The following LRRC7 variants were observed in gnomAD, a reference collection of about 807,000 sequenced individuals.
The protein encoded by LRRC7 is leucine-rich repeat-containing protein 7.
In LRRC7, 23 loss-of-function variants were observed where a neutral mutation model predicts 175.7. That is an observed-to-expected ratio of 0.13 (90% CI 0.09 to 0.19). The LOEUF (loss-of-function observed/expected upper bound fraction) is 0.19, where lower values mean the gene tolerates loss of function less well. Among genes scored for constraint, LRRC7 ranks in the 10% least tolerant of loss-of-function variants. The pLI, the probability that LRRC7 is intolerant of heterozygous loss-of-function variation, is 1.00. For synonymous variants in LRRC7, 685 were observed against 680.9 expected, an observed-to-expected ratio of 1.01 and a Z score of -0.09; for missense variants, 1,354 against 1,904.7, an observed-to-expected ratio of 0.71 and a Z score of 5.38.
Position 70,107,666 on chromosome 1 carries a change from A to G in LRRC7, c.4546-86A>G, listed in dbSNP as rs748714537. On this transcript the variant is annotated intron_variant, in intron 25 of 26. Coordinates refer to ENST00000651989, the MANE Select transcript of LRRC7 (RefSeq NM_001370785.2). ...ATAAACTGTTTCTGGATCTGTTTTC[A>G]CTGTTTTCTATGTGAATGAAGATTT... 4.2e-6 allele frequency: 4 copies of G among 955,230 alleles called. No individual in the cohort carries two copies. In the East Asian group the frequency reaches 7.3e-5, roughly 17 times the overall value. The allele number at this position is 955,230 out of a possible 1,614,324, so 59.2% of individuals were successfully genotyped here. A position where few individuals can be genotyped will look rare whatever the true frequency, so the allele number is the denominator to read the frequency against.
chr1:69,642,459 G>C (rs955568272), intron 1 of LRRC7, among the ~76,000 whole-genome samples: 1 of 151,964 alleles, frequency 6.6e-6, no homozygotes. Flanking sequence ...TCAAGCAAAA[G>C]TAAGGAGATC....
chr1:70,076,874 T>G (rs1441645884), intron 24 of LRRC7, among the ~76,000 whole-genome samples: 1 of 152,230 alleles, frequency 6.6e-6, no homozygotes, highest in African/African-American at 2.4e-5. Flanking sequence ...TTCAAACCTA[T>G]CTAAAATTAG....
chr1:69,600,304 A>G (rs1360249511), intron 1 of LRRC7, among the ~76,000 whole-genome samples: 1 of 152,162 alleles, frequency 6.6e-6, no homozygotes, highest in Non-Finnish European at 1.5e-5. Context: ...TATGTCCCAG[A>G]GAATCATCCA....
At chr1:69,845,993 C>T (rs1012025438) in intron 7 of LRRC7, among the ~76,000 whole-genome samples, 2 of 152,052 alleles carry the variant, frequency 1.3e-5, no homozygotes, top group Non-Finnish European at 2.9e-5. Context: ...AGCTAACTAA[C>T]CAAGGGAAAC....
At chr1:70,016,140 C>A (rs1205327928) in intron 13 of LRRC7, among the ~76,000 whole-genome samples, 5 of 152,204 alleles carry the variant, frequency 3.3e-5, no homozygotes, top group East Asian at 3.9e-4. Context: ...GAAAAAAGAG[C>A]AGGCCGATAG....
chr1:69,753,901 T>C (rs1240693255), intron 2 of LRRC7, among the ~76,000 whole-genome samples: 1 of 152,080 alleles, frequency 6.6e-6, no homozygotes, highest in Non-Finnish European at 1.5e-5. Context: ...ATTCTCCCTT[T>C]TTAATTTAAA....
At chr1:69,658,189 C>A (rs1258993986) in intron 1 of LRRC7, among the ~76,000 whole-genome samples, 5 of 151,864 alleles carry the variant, frequency 3.3e-5, no homozygotes. Flanking sequence ...TCATTTCTGG[C>A]AGCTTAGAGA....
intron 3 of LRRC7, among the ~76,000 whole-genome samples, chr1:69,779,284 T>C (rs1673210924): frequency 6.6e-6 from 1 of 152,130 alleles, no homozygotes; most frequent in South Asian, 2.1e-4. Context: ...ATAATTTACC[T>C]TAATAGAGAC....
chr1:69,861,323 C>T (rs1424971699), intron 7 of LRRC7, among the ~76,000 whole-genome samples: 1 of 152,136 alleles, frequency 6.6e-6, no homozygotes, highest in Admixed American at 6.6e-5. Flanking sequence ...TAGATAAATT[C>T]AGCAAATGGT....
At chr1:69,633,387 T>C (rs1166340798) in intron 1 of LRRC7, among the ~76,000 whole-genome samples, 1 of 152,062 alleles carries the variant, frequency 6.6e-6, no homozygotes, top group Non-Finnish European at 1.5e-5. Flanking sequence ...TTAAGGTGAT[T>C]TGCTTTAAAA....
intron 12 of LRRC7, 39 bp downstream of exon 12, chr1:70,011,965 T>C (rs1358700380): frequency 4.7e-6 from 7 of 1,484,760 alleles, no homozygotes; most frequent in East Asian, 4.6e-5. Flanking sequence ...TAACTTTTAA[T>C]TAATCTGTTT....
rs529834087 is a variant in LRRC7 at position 70,126,245 on chromosome 1, A to G, written c.*4358A>G. Among the ~76,000 whole-genome samples, 1 of 152,166 alleles carries G rather than the reference A, an allele frequency of 6.6e-6. No individual in the cohort carries two copies. The highest frequency in any genetic ancestry group is 2.4e-5 in the African/African-American group (1 of 41,436). ...TTCGATCAAACAACATATTTGACTA[A>G]TTTGTGATATGCCGACCAAACAGCA... is the stretch of plus-strand genomic sequence containing the variant. On this transcript the variant is annotated 3_prime_UTR_variant, in exon 27 of 27. Coordinates refer to ENST00000651989, the MANE Select transcript of LRRC7 (RefSeq NM_001370785.2).
intron 15 of LRRC7, among the ~76,000 whole-genome samples, chr1:70,020,662 T>C (rs1340178864): frequency 1.3e-5 from 2 of 152,032 alleles, no homozygotes; most frequent in East Asian, 3.9e-4. Context: ...TACCATTGTG[T>C]TGTTGTAAGG....
intron 1 of LRRC7, among the ~76,000 whole-genome samples, chr1:69,631,420 A>G (rs1773350): frequency 6.6e-6 from 1 of 151,960 alleles, no homozygotes; most frequent in Non-Finnish European, 1.5e-5. Context: ...GCCATAGGAC[A>G]GCATCTCTCC....
At position 69,873,450 on chromosome 1, in the gene LRRC7, G is replaced by C. The variant is rs376116635; in HGVS notation, c.647+35167G>C. ...GTTCCATCTTTTGGGCATTGAAATT[G>C]ATTTTTTTCATCTTAGCATCTGAAG... On this transcript the variant is annotated intron_variant, in intron 7 of 26. Transcript: ENST00000651989. The C allele has an allele frequency of 5.6e-6, 3 of 532,968 alleles. No individual in the cohort carries two copies. In the African/African-American group the frequency reaches 5.8e-5, roughly 10 times the overall value. 33.0% of individuals were successfully genotyped at this position (532,968 alleles called of 1,614,324 possible).
chr1:69,923,536 T>G (rs1049474307), intron 7 of LRRC7, among the ~76,000 whole-genome samples: 5 of 152,232 alleles, frequency 3.3e-5, no homozygotes, highest in Non-Finnish European at 5.9e-5. Flanking sequence ...GGTATCTCAT[T>G]GTGGTTTTGA....
intron 1 of LRRC7, among the ~76,000 whole-genome samples, chr1:69,658,678 T>C (rs1001656693): frequency 6.6e-6 from 1 of 151,892 alleles, no homozygotes; most frequent in Non-Finnish European, 1.5e-5. Context: ...ATATAAAACA[T>C]ACAAAGAAAC....
chr1:69,626,311 A>G (rs931822139), intron 1 of LRRC7, among the ~76,000 whole-genome samples: 2 of 148,846 alleles, frequency 1.3e-5, no homozygotes. Context: ...CTTTCTGGGT[A>G]TTTATTGCCC....
chr1:70,104,216 C>G (rs1664994479), intron 25 of LRRC7, among the ~76,000 whole-genome samples: 1 of 152,112 alleles, frequency 6.6e-6, no homozygotes, highest in Non-Finnish European at 1.5e-5. Context: ...GTCATCAGTG[C>G]CAAAGTATTC....
Sources: gnomAD v4.1 joint callset for allele counts (sites outside exome capture counted in the v4.1 genomes callset) on GRCh38, gnomAD v4.1.1 for gene constraint, MANE v1.5 for transcripts, NCBI Gene and HGNC (gene_info 2026-07-23, HGNC 2026-07-21) for gene names.